The following HPSE2 variants were observed in gnomAD, a reference collection of about 807,000 sequenced individuals.
HPSE2 encodes the protein heparanase 2 (inactive).
A neutral mutation model predicts 60.5 loss-of-function variants in HPSE2; 38 were observed. The observed-to-expected ratio is 0.63, with a 90% CI of 0.48 to 0.82. HPSE2 has a LOEUF of 0.82. Among genes scored for constraint, HPSE2 ranks in the 40% least tolerant of loss-of-function variants. The pLI is 0.00. For synonymous variants in HPSE2, 295 were observed against 293.2 expected (o/e 1.01, Z -0.06); for missense variants, 713 against 740.4 (o/e 0.96, Z 0.43).
At chr10:98,471,658 T>A (rs1940785639) in intron 11 of HPSE2, among the ~76,000 whole-genome samples, 1 of 152,070 alleles carries the variant, frequency 6.6e-6, no homozygotes, top group Non-Finnish European at 1.5e-5. Context: ...TCTTGCCCCC[T>A]CCCGCTTGTA....
intron 3 of HPSE2, chr10:99,014,007 C>A: frequency 3.0e-6 from 1 of 338,970 alleles, no homozygotes. Context: ...CTCCCTGGCT[C>A]AGGCTAAGGG....
intron 3 of HPSE2, among the ~76,000 whole-genome samples, chr10:98,978,366 A>G (rs1194845843): frequency 2.0e-5 from 3 of 152,176 alleles, no homozygotes; most frequent in Non-Finnish European, 4.4e-5. Context: ...AGACTCTGCT[A>G]CCATTAACTC....
intron 9 of HPSE2, among the ~76,000 whole-genome samples, chr10:98,543,516 T>C (rs1943549226): frequency 6.6e-6 from 1 of 152,078 alleles, no homozygotes. Context: ...ATGCTCCAAT[T>C]AAAAGACACA....
intron 6 of HPSE2, among the ~76,000 whole-genome samples, chr10:98,669,556 A>T (rs1350487559): frequency 6.6e-6 from 1 of 152,256 alleles, no homozygotes. Flanking sequence ...TGCAGCCATA[A>T]AAATATTGTG....
intron 3 of HPSE2, among the ~76,000 whole-genome samples, chr10:98,938,471 C>T (rs1470785916): frequency 7.0e-6 from 1 of 143,552 alleles, no homozygotes; most frequent in African/African-American, 2.9e-5. Context: ...ATGTGATCAA[C>T]TGGAAGAAAG....
At chr10:98,768,996 G>A (rs556382290) in intron 3 of HPSE2, among the ~76,000 whole-genome samples, 2 of 152,234 alleles carry the variant, frequency 1.3e-5, no homozygotes, top group East Asian at 3.9e-4. Flanking sequence ...GCAGTGAAGG[G>A]AGATCGCGCC....
At chr10:98,939,041 AT>A (rs1231165559) in intron 3 of HPSE2, among the ~76,000 whole-genome samples, 1 of 143,892 alleles carries the variant, frequency 6.9e-6, no homozygotes, top group Non-Finnish European at 1.5e-5. Context: ...ATGCTGAGAG[AT>A]TTTGTCACCA....
chr10:99,226,503 G>A (rs1046462321), intron 2 of HPSE2, among the ~76,000 whole-genome samples: 16 of 151,952 alleles, frequency 1.1e-4, no homozygotes, highest in Admixed American at 1.3e-4. Flanking sequence ...CAGATTTGGG[G>A]AAAGAATATT....
rs533388239 is a variant in HPSE2 at position 99,152,615 on chromosome 10, G to C, written c.449-8216C>G. On this transcript the variant is annotated intron_variant, in intron 2 of 11. Coordinates refer to ENST00000370552, the MANE Select transcript of HPSE2 (RefSeq NM_021828.5). Reference sequence around the variant, plus strand: ...CACAATAGAAAGGATAAGAAAAGAAGCTGTATTTGAGTAAAGTTGTTGTAA... The same window carrying C: ...CACAATAGAAAGGATAAGAAAAGAACCTGTATTTGAGTAAAGTTGTTGTAA... 2.6e-5 allele frequency among the ~76,000 whole-genome samples: 4 copies of C among 152,266 alleles called. No individual in the cohort carries two copies. In the East Asian group the frequency reaches 5.8e-4, roughly 22 times the overall value.
At chr10:98,699,800 G>T (rs998967915) in intron 5 of HPSE2, among the ~76,000 whole-genome samples, 10 of 125,748 alleles carry the variant, frequency 8.0e-5, no homozygotes, top group African/African-American at 2.7e-4. Flanking sequence ...AAAGTCTCAG[G>T]ATACAAAATC....
intron 2 of HPSE2, among the ~76,000 whole-genome samples, chr10:99,213,840 A>G (rs1849029940): frequency 6.6e-6 from 1 of 152,202 alleles, no homozygotes; most frequent in African/African-American, 2.4e-5. Context: ...TCTCAGAGAC[A>G]TTGTGAAAAT....
intron 3 of HPSE2, among the ~76,000 whole-genome samples, chr10:98,830,604 G>A (rs1951662732): frequency 6.6e-6 from 1 of 152,174 alleles, no homozygotes; most frequent in South Asian, 2.1e-4. Context: ...TAGAAAATGT[G>A]CCTGTGTAGA....
intron 3 of HPSE2, among the ~76,000 whole-genome samples, chr10:99,065,054 A>C (rs188849830): frequency 1.2e-3 from 181 of 152,282 alleles, no homozygotes; most frequent in African/African-American, 4.3e-3. Flanking sequence ...TAATTACACC[A>C]AACTTAAATT....
chr10:98,521,573 T>C (rs1942793651), intron 9 of HPSE2, among the ~76,000 whole-genome samples: 1 of 152,218 alleles, frequency 6.6e-6, no homozygotes, highest in African/African-American at 2.4e-5. Flanking sequence ...GAAGACAGTG[T>C]GGCGATTCCT....
At chr10:99,012,311 C>T (rs1172961199) in intron 3 of HPSE2, among the ~76,000 whole-genome samples, 1 of 152,026 alleles carries the variant, frequency 6.6e-6, no homozygotes, top group Admixed American at 6.6e-5. Flanking sequence ...TACAATCCTG[C>T]CCATTAGTAA....
At chr10:98,826,764 T>C (rs1951558046) in intron 3 of HPSE2, among the ~76,000 whole-genome samples, 1 of 152,204 alleles carries the variant, frequency 6.6e-6, no homozygotes, top group Admixed American at 6.5e-5. Context: ...GTCAGCCATA[T>C]TGGGAGTAAA....
intron 3 of HPSE2, among the ~76,000 whole-genome samples, chr10:98,858,748 G>A (rs550078262): frequency 2.6e-5 from 4 of 152,166 alleles, no homozygotes; most frequent in African/African-American, 9.7e-5. Context: ...AGATGGGGCT[G>A]CTAGAAGAAA....
At chr10:99,190,865 G>A (rs1848197122) in intron 2 of HPSE2, among the ~76,000 whole-genome samples, 1 of 152,210 alleles carries the variant, frequency 6.6e-6, no homozygotes. Context: ...TGGCGTGTCT[G>A]GACCTGCCCT....
intron 3 of HPSE2, among the ~76,000 whole-genome samples, chr10:98,984,720 T>C (rs938147412): frequency 1.3e-5 from 2 of 152,068 alleles, no homozygotes. Flanking sequence ...TTCGAACCCA[T>C]GGCAAAGAAG....
Sources: gnomAD v4.1 joint callset for allele counts (sites outside exome capture counted in the v4.1 genomes callset) on GRCh38, gnomAD v4.1.1 for gene constraint, MANE v1.5 for transcripts, NCBI Gene and HGNC (gene_info 2026-07-23, HGNC 2026-07-21) for gene names.